Variants in LRRFIP2 observed in about 807,000 individuals in gnomAD.
The protein encoded by LRRFIP2 is LRR binding FLII interacting protein 2.
A neutral mutation model predicts 125.9 loss-of-function variants in LRRFIP2; 109 were observed. That is an observed-to-expected ratio of 0.87 (90% CI 0.74 to 1.01). The LOEUF (loss-of-function observed/expected upper bound fraction) is 1.01, where lower values mean the gene tolerates loss of function less well. LRRFIP2 is among the 50% of genes least tolerant of loss of function. The pLI is 0.00. For synonymous variants in LRRFIP2, 291 were observed against 293.1 expected (o/e 0.99, Z 0.07); for missense variants, 850 against 862.3 (o/e 0.99, Z 0.18).
Position 37,121,634 on chromosome 3 carries a change from C to A in LRRFIP2, c.285+1G>T. 1.2e-6 allele frequency: 2 copies of A among 1,614,132 alleles called. No homozygotes were observed. Among genetic ancestry groups the A allele is most frequent in the Non-Finnish European group, 8.5e-7 (1 of 1,180,016 alleles). On this transcript the variant is annotated splice_donor_variant, in intron 5 of 27. Transcript: ENST00000336686. LOFTEE classifies it high-confidence loss of function. ...AGGCAAGTGTATAGGTTATTACAAACCAGATAAGGACGATGGTGACTGGAC... is the reference window on the plus strand; with the variant it reads ...AGGCAAGTGTATAGGTTATTACAAAACAGATAAGGACGATGGTGACTGGAC...
chr3:37,142,989 T>C (rs2095753059), intron 2 of LRRFIP2, among the ~76,000 whole-genome samples: 1 of 152,162 alleles, frequency 6.6e-6, no homozygotes, highest in Non-Finnish European at 1.5e-5. Flanking sequence ...GACGTGGTGC[T>C]TTCAACACAA....
intron 1 of LRRFIP2, among the ~76,000 whole-genome samples, chr3:37,156,492 T>C (rs1475414337): frequency 6.7e-6 from 1 of 149,626 alleles, no homozygotes; most frequent in African/African-American, 2.5e-5. Context: ...GCTAACACAG[T>C]GAAACCCCCG....
intron 25 of LRRFIP2, among the ~76,000 whole-genome samples, chr3:37,057,069 G>A (rs2087100882): frequency 6.6e-6 from 1 of 152,060 alleles, no homozygotes; most frequent in Non-Finnish European, 1.5e-5. Flanking sequence ...TCTGGTCCAG[G>A]GAAGCTGCTT....
intron 19 of LRRFIP2, among the ~76,000 whole-genome samples, chr3:37,081,334 A>G (rs1307130068): frequency 6.6e-6 from 1 of 152,226 alleles, no homozygotes; most frequent in Non-Finnish European, 1.5e-5. Flanking sequence ...GAAAATTTTT[A>G]TTAATACTGT....
At chr3:37,158,969 T>A (rs1166416364) in intron 1 of LRRFIP2, among the ~76,000 whole-genome samples, 1 of 152,146 alleles carries the variant, frequency 6.6e-6, no homozygotes, top group Non-Finnish European at 1.5e-5. Context: ...AGAGAGAAGG[T>A]ACTCTGAAGC....
rs35211722 is a variant in LRRFIP2, at chr3:37,109,561, G to A, written c.575C>T (p.Thr192Ile). 2.0e-4 allele frequency: 317 copies of A among 1,614,034 alleles called. 1 individual carries two copies. In the African/African-American group the frequency reaches 2.6e-3, roughly 13 times the overall value. ...ACTTCTCAGCAGACCAGAATTTGCA[G>A]TAGGAGAGGCCTAAGAAAAAAGTGT... ...ATYKSDRASP[T>I]ANSGLLRSAS... The change falls in exon 11 of 28, where the codon ACT becomes ATT. Residue 192 changes from threonine (T) to isoleucine (I), a missense_variant. By Grantham distance (89) the Thr-to-Ile change is moderately conservative. Transcript: ENST00000336686.
intron 2 of LRRFIP2, chr3:37,143,896 A>G (rs2095789193): frequency 6.4e-6 from 1 of 155,126 alleles, no homozygotes; most frequent in East Asian, 1.9e-4. Context: ...TACTCTTGAC[A>G]TGTACAAGGT....
At chr3:37,113,568 C>T (rs2094638292) in intron 7 of LRRFIP2, among the ~76,000 whole-genome samples, 1 of 152,158 alleles carries the variant, frequency 6.6e-6, no homozygotes, top group African/African-American at 2.4e-5. Context: ...TCCTGAAATG[C>T]TGGGATTACA....
At chr3:37,167,142 A>G (rs2096509706) in intron 1 of LRRFIP2, among the ~76,000 whole-genome samples, 1 of 149,498 alleles carries the variant, frequency 6.7e-6, no homozygotes, top group South Asian at 2.1e-4. Flanking sequence ...GGCTGCAGTG[A>G]GGCATGATTG....
At chr3:37,133,300 G>A (rs1333943115) in intron 2 of LRRFIP2, among the ~76,000 whole-genome samples, 1 of 152,104 alleles carries the variant, frequency 6.6e-6, no homozygotes, top group Non-Finnish European at 1.5e-5. Context: ...TTCCACCTAT[G>A]GGTACATATA....
chr3:37,143,543 T>C, intron 2 of LRRFIP2: 1 of 246,686 alleles, frequency 4.1e-6, no homozygotes, highest in Non-Finnish European at 8.7e-6. Context: ...ATTCAAGAAG[T>C]CCTCCTTGTC....
At chr3:37,096,319 C>CAAAGAAA (rs1559820026) in intron 16 of LRRFIP2, among the ~76,000 whole-genome samples, 1 of 152,144 alleles carries the variant, frequency 6.6e-6, no homozygotes, top group Non-Finnish European at 1.5e-5. Context: ...AAAGAAACTT[C>CAAAGAAA]ATTTTCAGTG....
At chr3:37,108,945 G>A (rs1453649458) in intron 11 of LRRFIP2, among the ~76,000 whole-genome samples, 3 of 152,114 alleles carry the variant, frequency 2.0e-5, no homozygotes, top group Non-Finnish European at 2.9e-5. Context: ...GAGAATTAAC[G>A]TGTACACATT....
rs772194551 is a variant in LRRFIP2, at chr3:37,129,149, C to T, written c.91G>A (p.Ala31Thr). The change falls in exon 3 of 28, where the codon GCA (alanine) becomes ACA (threonine). Residue 31 changes from alanine (A) to threonine (T), a missense_variant and splice_region_variant. By Grantham distance (58) the Ala-to-Thr change is moderately conservative (BLOSUM62 0). Transcript: ENST00000336686. The stretch of plus-strand genomic sequence containing the variant: ...CGTTTTGCTGCCAGCCTTGCCTCTG[C>T]CTGAAAAGTAATATAAAACTCAGCT... ...DEALSNIAREAEARLAAKRAA... is the reference protein window; with the variant it reads ...DEALSNIARETEARLAAKRAA... 1.2e-6 allele frequency: 2 copies of T among 1,613,442 alleles called. No homozygotes were observed. The highest frequency in any genetic ancestry group is 1.1e-5 in the South Asian group (1 of 91,076).
chr3:37,139,406 C>A (rs1002064146), intron 2 of LRRFIP2, among the ~76,000 whole-genome samples: 3 of 152,208 alleles, frequency 2.0e-5, no homozygotes, highest in Non-Finnish European at 4.4e-5. Context: ...AGTTTCTCTG[C>A]AAGACCTTAT....
chr3:37,058,741 G>A, intron 25 of LRRFIP2, 49 bp downstream of exon 25: 1 of 1,591,306 alleles, frequency 6.3e-7, no homozygotes, highest in Non-Finnish European at 8.6e-7. Flanking sequence ...CCCACCCCTG[G>A]GACACAGTCT....
chr3:37,092,077 G>A (rs2093473588), intron 17 of LRRFIP2, among the ~76,000 whole-genome samples: 1 of 152,092 alleles, frequency 6.6e-6, no homozygotes, highest in African/African-American at 2.4e-5. Flanking sequence ...GTAAAGGGAG[G>A]GAAGTTAAAC....
At position 37,135,012 on chromosome 3, in the gene LRRFIP2, C is replaced by T. The variant is rs960919460; in HGVS notation, c.91-5863G>A. 17 of 1,515,446 alleles carry T rather than the reference C, an allele frequency of 1.1e-5. No individual in the cohort carries two copies. The African/African-American group carries it at 2.1e-4, about 18-fold the overall frequency. 93.9% of individuals were successfully genotyped at this position (1,515,446 alleles called of 1,614,324 possible). A position where few individuals can be genotyped will look rare whatever the true frequency, so the allele number is the denominator to read the frequency against. On this transcript the variant is annotated intron_variant, in intron 2 of 27. Transcript: ENST00000336686. ...CTATGTGATCCAAACCCAGATGACC[C>T]CCTAGTGCCAGAGAGCACACGGATC... is the stretch of plus-strand genomic sequence containing the variant.
At chr3:37,139,523 C>T (rs1560027141) in intron 2 of LRRFIP2, among the ~76,000 whole-genome samples, 2 of 152,144 alleles carry the variant, frequency 1.3e-5, no homozygotes, top group South Asian at 2.1e-4. Context: ...AGAAGGCATT[C>T]GCTTCACACC....
Sources: allele counts gnomAD v4.1 joint callset (sites outside exome capture counted in the v4.1 genomes callset), GRCh38; gene constraint gnomAD v4.1.1; transcripts MANE v1.5; gene names NCBI Gene and HGNC (gene_info 2026-07-23, HGNC 2026-07-21).